PPARGC1A: variants seen among roughly 807,000 people sequenced by gnomAD.
The protein encoded by PPARGC1A is peroxisome proliferator-activated receptor gamma coactivator 1-alpha.
In PPARGC1A, 25 loss-of-function variants were observed where a neutral mutation model predicts 88.7. The ratio of observed to expected loss-of-function variants is 0.28; its 90% CI spans 0.21 to 0.39. The LOEUF (loss-of-function observed/expected upper bound fraction) is 0.39, where lower values mean the gene tolerates loss of function less well. PPARGC1A is among the 10% of genes least tolerant of loss of function. The probability of loss-of-function intolerance (pLI) is 1.00; values close to 1 mark genes in which losing one functional copy is unlikely to be tolerated. For synonymous variants in PPARGC1A, 363 were observed against 355.6 expected (o/e 1.02, Z -0.24); for missense variants, 880 against 968.7 (o/e 0.91, Z 1.22).
the PPARGC1A span, among the ~76,000 whole-genome samples, chr4:24,013,272 C>T: frequency 6.6e-6 from 1 of 152,070 alleles, no homozygotes; most frequent in African/African-American, 2.4e-5. Flanking sequence ...AAATTCTACC[C>T]AATTTCAAAT....
the PPARGC1A span, among the ~76,000 whole-genome samples, chr4:23,958,305 T>C: frequency 6.6e-6 from 1 of 152,150 alleles, no homozygotes; most frequent in Non-Finnish European, 1.5e-5. Flanking sequence ...ATGAAACAAT[T>C]TGAAATCCTT....
rs371470243 is a variant in PPARGC1A, at chr4:23,868,988, C to G, written c.234+15764G>C. On this transcript the variant is annotated intron_variant, in intron 2 of 12. Coordinates refer to ENST00000264867, the MANE Select transcript of PPARGC1A (RefSeq NM_013261.5). ...ATTTGCATGGATACTCTCCTTTCCA[C>G]TGCTTGGTTTCATGGAGGGTGCAGA... Among the ~76,000 whole-genome samples the G allele has an allele frequency of 1.1e-4, 17 of 152,310 alleles. No individual in the cohort carries two copies. In the East Asian group the frequency reaches 2.7e-3, roughly 24 times the overall value.
chr4:24,277,867 G>A, the PPARGC1A span, among the ~76,000 whole-genome samples: 1 of 152,004 alleles, frequency 6.6e-6, no homozygotes, highest in East Asian at 1.9e-4. Context: ...CTTCAGTTTT[G>A]TCATCTCTAA....
chr4:24,324,069 T>G, the PPARGC1A span, among the ~76,000 whole-genome samples: 1 of 152,228 alleles, frequency 6.6e-6, no homozygotes, highest in Admixed American at 6.5e-5. Context: ...AGCTTTCCCT[T>G]GGTGTTTAAT....
chr4:23,939,743 G>C, the PPARGC1A span, among the ~76,000 whole-genome samples: 3 of 152,140 alleles, frequency 2.0e-5, no homozygotes, highest in Non-Finnish European at 4.4e-5. Flanking sequence ...GAGAACTTCA[G>C]AATACAATAT....
chr4:24,127,596 G>A, the PPARGC1A span, among the ~76,000 whole-genome samples: 1 of 151,926 alleles, frequency 6.6e-6, no homozygotes, highest in Non-Finnish European at 1.5e-5. Context: ...TATATATAGA[G>A]ATAGAGATAG....
At chr4:23,912,501 G>T in the PPARGC1A span, among the ~76,000 whole-genome samples, 6 of 152,132 alleles carry the variant, frequency 3.9e-5, no homozygotes, top group Non-Finnish European at 8.8e-5. Flanking sequence ...GTTGCTGTGT[G>T]GGTTTTGTGT....
chr4:24,210,847 C>T, the PPARGC1A span, among the ~76,000 whole-genome samples: 1 of 152,208 alleles, frequency 6.6e-6, no homozygotes, highest in African/African-American at 2.4e-5. Context: ...GCACTGTACT[C>T]CTGGAACCTC....
At chr4:24,336,053 CG>C in the PPARGC1A span, among the ~76,000 whole-genome samples, 1 of 151,940 alleles carries the variant, frequency 6.6e-6, no homozygotes, top group East Asian at 1.9e-4. Context: ...TTTTTTCCCC[CG>C]TTTTTATGCC....
chr4:23,952,013 G>T, the PPARGC1A span, among the ~76,000 whole-genome samples: 4 of 151,652 alleles, frequency 2.6e-5, no homozygotes, highest in South Asian at 2.1e-4. Context: ...TACTGCGTGG[G>T]ACACCCTGGC....
chr4:24,413,913 C>T, the PPARGC1A span, among the ~76,000 whole-genome samples: 2 of 152,142 alleles, frequency 1.3e-5, no homozygotes, highest in African/African-American at 4.8e-5. Context: ...TTAATCCTTA[C>T]AACAACCCCT....
the PPARGC1A span, among the ~76,000 whole-genome samples, chr4:24,203,029 C>T: frequency 6.6e-6 from 1 of 152,094 alleles, no homozygotes; most frequent in Non-Finnish European, 1.5e-5. Context: ...TTTGTGGCCC[C>T]AAAAGGGACT....
At chr4:24,251,166 A>AGCAT in the PPARGC1A span, among the ~76,000 whole-genome samples, 3 of 152,218 alleles carry the variant, frequency 2.0e-5, no homozygotes. Context: ...CATTATTATT[A>AGCAT]AAATAGCCTA....
the PPARGC1A span, among the ~76,000 whole-genome samples, chr4:24,332,241 G>A: frequency 1.3e-5 from 2 of 152,034 alleles, no homozygotes; most frequent in Non-Finnish European, 2.9e-5. Context: ...GCCTCTCAAA[G>A]TGCTGGGATT....
chr4:24,339,538 G>A, the PPARGC1A span, among the ~76,000 whole-genome samples: 1 of 151,926 alleles, frequency 6.6e-6, no homozygotes, highest in South Asian at 2.1e-4. Context: ...CAAAATCCTA[G>A]TTGTTCCCTG....
chr4:24,401,550 G>A, the PPARGC1A span, among the ~76,000 whole-genome samples: 1 of 152,274 alleles, frequency 6.6e-6, no homozygotes, highest in African/African-American at 2.4e-5. Flanking sequence ...GATGGTTAAT[G>A]TTTACTGAGC....
At chr4:24,131,467 G>A in the PPARGC1A span, among the ~76,000 whole-genome samples, 1 of 152,190 alleles carries the variant, frequency 6.6e-6, no homozygotes. Flanking sequence ...TCATATGTTT[G>A]CCAGTGCCCA....
At chr4:24,211,199 G>GA in the PPARGC1A span, among the ~76,000 whole-genome samples, 1 of 151,990 alleles carries the variant, frequency 6.6e-6, no homozygotes, top group African/African-American at 2.4e-5. Context: ...GTGACTAGAT[G>GA]AAAAAATATT....
intron 2 of PPARGC1A, among the ~76,000 whole-genome samples, chr4:23,844,786 A>ATAATATATGATATATATT (rs1491110826): frequency 6.3e-4 from 13 of 20,652 alleles, no homozygotes; most frequent in Non-Finnish European, 9.4e-4. Flanking sequence ...TATATATTAT[A>ATAATATATGATATATATT]ATAATATATG....
Sources: gnomAD v4.1 joint callset for allele counts (sites outside exome capture counted in the v4.1 genomes callset) on GRCh38, gnomAD v4.1.1 for gene constraint, MANE v1.5 for transcripts, NCBI Gene and HGNC (gene_info 2026-07-23, HGNC 2026-07-21) for gene names.